USP39: variants seen among roughly 807,000 people sequenced by gnomAD.
The protein encoded by USP39 is ubiquitin specific peptidase 39.
A neutral mutation model predicts 66.4 loss-of-function variants in USP39; 38 were observed. That is an observed-to-expected ratio of 0.57 (90% CI 0.44 to 0.75). The LOEUF is 0.75. Among genes scored for constraint, USP39 ranks in the 30% least tolerant of loss-of-function variants. The probability of loss-of-function intolerance (pLI) is 0.00; values close to 1 mark genes in which losing one functional copy is unlikely to be tolerated. For missense variants in USP39, 608 were observed against 714.4 expected (o/e 0.85, Z 1.70); for synonymous variants, 303 against 274.6 (o/e 1.10, Z -1.02).
At chr2:85,617,319 A>T (rs1292633085) in intron 1 of USP39, among the ~76,000 whole-genome samples, 1 of 152,200 alleles carries the variant, frequency 6.6e-6, no homozygotes, top group African/African-American at 2.4e-5. Flanking sequence ...ATGCTTGAGC[A>T]ATAGGCACCT....
At chr2:85,632,869 G>C (rs1349760978) in intron 6 of USP39, among the ~76,000 whole-genome samples, 3 of 152,154 alleles carry the variant, frequency 2.0e-5, no homozygotes, top group Non-Finnish European at 4.4e-5. Context: ...CAGAGTGGAG[G>C]AAGAGACCCT....
intron 7 of USP39, 50 bp downstream of exon 7, chr2:85,636,180 CTT>C: frequency 6.3e-7 from 1 of 1,585,862 alleles, no homozygotes; most frequent in Non-Finnish European, 8.6e-7. Context: ...TTTTAAAAAA[CTT>C]TGCGGTCGGT....
rs1673964981 is a variant in USP39, at chr2:85,616,491, C to G, written c.268+28C>G. On this transcript the variant is annotated intron_variant, in intron 1 of 12. Coordinates refer to ENST00000323701, the MANE Select transcript of USP39 (RefSeq NM_006590.4). ...GCGCGGGGCCGGGCCGGGCTAGGCG[C>G]GAGAGCCTGTTTTTTTCGCGTCCTT... 3.0e-6 allele frequency: 4 copies of G among 1,318,904 alleles called. No homozygotes were observed. In the East Asian group the frequency reaches 1.3e-4, roughly 43 times the overall value. The allele number at this position is 1,318,904 out of a possible 1,614,324, so 81.7% of individuals were successfully genotyped here.
chr2:85,646,214 C>G (rs926330862), intron 11 of USP39: 2 of 152,174 alleles, frequency 1.3e-5, no homozygotes, highest in Non-Finnish European at 2.9e-5. Flanking sequence ...GGATTTGTCT[C>G]AAGTTGAAAA....
At chr2:85,648,632 C>T in intron 12 of USP39, 129 bp from the exon 13 acceptor site, 1 of 1,091,608 alleles carries the variant, frequency 9.2e-7, no homozygotes, top group Non-Finnish European at 1.4e-6. Flanking sequence ...AGCAGATTTC[C>T]AAATGGGGTA....
upstream of USP39, chr2:85,611,803 G>T (rs767047689): frequency 6.2e-7 from 1 of 1,610,008 alleles, no homozygotes; most frequent in Non-Finnish European, 8.5e-7. Context: ...GGAGCCGAGC[G>T]GGAGTCAGGG....
intron 11 of USP39, 114 bp downstream of exon 11, chr2:85,645,197 C>A: frequency 6.9e-7 from 1 of 1,441,664 alleles, no homozygotes; most frequent in African/African-American, 1.4e-5. Flanking sequence ...CTTTGGGACT[C>A]TGCAAGTAAT....
chr2:85,644,677 C>A (rs886839880), intron 10 of USP39, among the ~76,000 whole-genome samples: 1 of 152,010 alleles, frequency 6.6e-6, no homozygotes, highest in African/African-American at 2.4e-5. Context: ...CCTACCTTGA[C>A]CTCTCAAAGT....
At chr2:85,618,045 C>G (rs1278879799) in intron 1 of USP39, among the ~76,000 whole-genome samples, 2 of 151,954 alleles carry the variant, frequency 1.3e-5, no homozygotes, top group African/African-American at 4.8e-5. Context: ...CCTCTGCCTC[C>G]CAGGTTCAAG....
intron 3 of USP39, among the ~76,000 whole-genome samples, chr2:85,623,386 T>C (rs1674610570): frequency 6.7e-6 from 1 of 150,204 alleles, no homozygotes; most frequent in South Asian, 2.1e-4. Context: ...ATTTTACATA[T>C]ATATTAAAAA....
chr2:85,639,476 CAG>C, intron 9 of USP39, 85 bp downstream of exon 9: 2 of 1,327,342 alleles, frequency 1.5e-6, no homozygotes, highest in East Asian at 2.5e-5. Flanking sequence ...TTTTTCAAGA[CAG>C]AGTTTTGCTC....
Position 85,644,952 on chromosome 2 carries a change from G to A in USP39, c.1432G>A (p.Val478Met), listed in dbSNP as rs778773531. The A allele has an allele frequency of 1.9e-6, 3 of 1,614,030 alleles. No homozygotes were observed. Among genetic ancestry groups the A allele is most frequent in the Non-Finnish European group, 2.5e-6 (3 of 1,179,976 alleles). Residue 478 changes from valine (V) to methionine (M), a missense_variant, in exon 11 of 13, where the codon GTG (valine) becomes ATG (methionine). Val to Met is a conservative substitution (Grantham distance 21). This residue lies in a region of USP39 where 164 missense variants were observed against 250.3 expected (regional missense o/e 0.66). Coordinates refer to ENST00000323701, the MANE Select transcript of USP39 (RefSeq NM_006590.4). The stretch of plus-strand genomic sequence containing the variant: ...CTTTATTTTAACCATTAACAGAAAT[G>A]TGGATCTGAGAGAATACTTGTCTGA... The part of the protein sequence containing the change: ...PTIVNFPITN[V>M]DLREYLSEEV...
intron 4 of USP39, among the ~76,000 whole-genome samples, chr2:85,624,457 T>C (rs75732573): frequency 5.3e-5 from 8 of 152,238 alleles, no homozygotes; most frequent in Non-Finnish European, 2.9e-5. Context: ...GTGATACTTT[T>C]ACTTCAGCTT....
chr2:85,610,706 C>T (rs1673450583), upstream of USP39: 1 of 151,532 alleles, frequency 6.6e-6, no homozygotes, highest in Non-Finnish European at 1.5e-5. Flanking sequence ...ATCACCTGAG[C>T]TCAGGAGTTC....
chr2:85,631,201 G>C (rs1675303084), intron 6 of USP39, among the ~76,000 whole-genome samples: 1 of 151,878 alleles, frequency 6.6e-6, no homozygotes, highest in African/African-American at 2.4e-5. Context: ...TTTTAGCAGA[G>C]ATGGGGTTTC....
chr2:85,642,705 A>T (rs903455429), intron 10 of USP39, among the ~76,000 whole-genome samples: 2 of 152,244 alleles, frequency 1.3e-5, no homozygotes, highest in African/African-American at 4.8e-5. Flanking sequence ...GAGTAATACA[A>T]TTCTGGATCA....
intron 5 of USP39, among the ~76,000 whole-genome samples, chr2:85,627,122 A>G (rs1446377690): frequency 4.0e-5 from 6 of 150,712 alleles, no homozygotes; most frequent in African/African-American, 1.5e-4. Context: ...TTTTTTTTTT[A>G]GAGGGAGTCT....
intron 2 of USP39, among the ~76,000 whole-genome samples, chr2:85,620,202 C>T (rs1222999904): frequency 2.7e-5 from 4 of 149,356 alleles, no homozygotes; most frequent in East Asian, 2.1e-4. Context: ...AAGTTATGGC[C>T]GGGTGCTCTG....
chr2:85,604,032 C>T (rs906098398), intron 1 of USP39, among the ~76,000 whole-genome samples: 8 of 152,174 alleles, frequency 5.3e-5, no homozygotes, highest in East Asian at 3.8e-4. Context: ...GGTGCACAGG[C>T]GCAGGTTGCC....
Sources: gnomAD v4.1 joint callset for allele counts (sites outside exome capture counted in the v4.1 genomes callset) on GRCh38, gnomAD v4.1.1 for gene constraint, gnomAD v4.1.1 regional missense constraint, MANE v1.5 for transcripts, NCBI Gene and HGNC (gene_info 2026-07-23, HGNC 2026-07-21) for gene names.